MDGA2: variants seen among roughly 807,000 people sequenced by gnomAD.
MDGA2 encodes the protein MAM domain-containing glycosylphosphatidylinositol anchor protein 2.
MDGA2 carries 40 observed loss-of-function variants against 117.8 expected under a neutral mutation model. The observed-to-expected ratio is 0.34, with a 90% CI of 0.26 to 0.44. MDGA2 has a LOEUF of 0.44. Among genes scored for constraint, MDGA2 ranks in the 20% least tolerant of loss-of-function variants. The pLI, the probability that MDGA2 is intolerant of heterozygous loss-of-function variation, is 1.00. For synonymous variants in MDGA2, 452 were observed against 439.0 expected (o/e 1.03, Z -0.37); for missense variants, 1,123 against 1,250.6 (o/e 0.90, Z 1.54).
intron 3 of MDGA2, among the ~76,000 whole-genome samples, chr14:47,172,599 G>A (rs1309771696): frequency 1.3e-5 from 2 of 152,180 alleles, no homozygotes; most frequent in Admixed American, 1.3e-4. Flanking sequence ...CTGTCTGTTA[G>A]AAGGAAAACT....
At chr14:46,946,890 T>C (rs1425505670) in intron 9 of MDGA2, among the ~76,000 whole-genome samples, 2 of 152,146 alleles carry the variant, frequency 1.3e-5, no homozygotes, top group East Asian at 3.9e-4. Flanking sequence ...GTAGGAAGGA[T>C]GCCAGGTCCT....
chr14:47,581,633 G>C (rs952313733), intron 1 of MDGA2, among the ~76,000 whole-genome samples: 17 of 151,882 alleles, frequency 1.1e-4, no homozygotes, highest in African/African-American at 3.9e-4. Flanking sequence ...CTGAGCAGAG[G>C]TGACCATTTG....
intron 10 of MDGA2, among the ~76,000 whole-genome samples, chr14:46,913,022 T>C (rs1883764483): frequency 6.6e-6 from 1 of 152,152 alleles, no homozygotes; most frequent in Non-Finnish European, 1.5e-5. Flanking sequence ...TCATTCTCTC[T>C]CATCTCTATA....
At chr14:47,661,531 G>A (rs10137603) in intron 1 of MDGA2, among the ~76,000 whole-genome samples, 40,051 of 151,948 alleles carry the variant, frequency 0.26, 6,142 homozygotes, top group South Asian at 0.45. Flanking sequence ...GATATGCCTG[G>A]TGCACTGAAA....
rs117303123 is a variant in MDGA2, at chr14:47,096,402, G to C, written c.1195+452C>G. Among the ~76,000 whole-genome samples, 184 of 152,030 alleles carry C rather than the reference G, an allele frequency of 1.2e-3. 1 individual carries two copies. The East Asian group carries it at 0.031, about 26-fold the overall frequency. ...ATCTGACAGTGGAATCCTGAGTACAGGGTAATGTTTGATAGATCTCTATAT... is the reference window on the plus strand; with the variant it reads ...ATCTGACAGTGGAATCCTGAGTACACGGTAATGTTTGATAGATCTCTATAT... On this transcript the variant is annotated intron_variant, in intron 6 of 16. Coordinates refer to ENST00000399232, the MANE Select transcript of MDGA2 (RefSeq NM_001113498.3).
intron 1 of MDGA2, among the ~76,000 whole-genome samples, chr14:47,667,594 T>C (rs766381100): frequency 5.9e-5 from 9 of 152,246 alleles, no homozygotes; most frequent in African/African-American, 2.2e-4. Flanking sequence ...GATAAAAATA[T>C]ATGCTTTTGC....
intron 1 of MDGA2, among the ~76,000 whole-genome samples, chr14:47,608,378 C>G (rs1896779691): frequency 6.6e-6 from 1 of 152,082 alleles, no homozygotes; most frequent in African/African-American, 2.4e-5. Flanking sequence ...GTGTAGGTCC[C>G]ACTAAATCCA....
intron 14 of MDGA2, among the ~76,000 whole-genome samples, chr14:46,873,077 A>G (rs371850954): frequency 2.0e-5 from 3 of 152,080 alleles, no homozygotes; most frequent in East Asian, 1.9e-4. Context: ...ATTACTTTTC[A>G]TCATGATTAA....
At chr14:46,952,182 C>G (rs953721050) in intron 9 of MDGA2, among the ~76,000 whole-genome samples, 1 of 151,272 alleles carries the variant, frequency 6.6e-6, no homozygotes, top group African/African-American at 2.4e-5. Flanking sequence ...AATCTATACC[C>G]ACAACATTAA....
intron 9 of MDGA2, among the ~76,000 whole-genome samples, chr14:46,951,152 G>A (rs1443532046): frequency 6.6e-6 from 1 of 151,994 alleles, no homozygotes; most frequent in Non-Finnish European, 1.5e-5. Context: ...AACTAGAGGT[G>A]AGAGTAGCAG....
At chr14:47,461,686 A>G (rs1393331098) in intron 1 of MDGA2, among the ~76,000 whole-genome samples, 1 of 151,396 alleles carries the variant, frequency 6.6e-6, no homozygotes, top group Non-Finnish European at 1.5e-5. Context: ...AAAAATAAAA[A>G]CGAAAAAAAT....
chr14:47,448,833 T>G (rs186297080), intron 1 of MDGA2, among the ~76,000 whole-genome samples: 433 of 152,274 alleles, frequency 2.8e-3, no homozygotes, highest in Non-Finnish European at 4.8e-3. Context: ...AAGGCAGTCA[T>G]GTGGAACGGA....
intron 3 of MDGA2, among the ~76,000 whole-genome samples, chr14:47,210,884 T>A (rs571737847): frequency 3.9e-5 from 6 of 152,036 alleles, no homozygotes; most frequent in African/African-American, 4.8e-5. Context: ...TTCAGGAGCC[T>A]GAGGGGGAGG....
intron 6 of MDGA2, among the ~76,000 whole-genome samples, chr14:47,072,257 T>C (rs1418120438): frequency 6.6e-6 from 1 of 152,152 alleles, no homozygotes; most frequent in Admixed American, 6.5e-5. Flanking sequence ...GAAGAATACA[T>C]GTGGATAGAG....
In MDGA2 at chr14:47,026,054, T is replaced by C. The variant is rs558710169; in HGVS notation, c.1819+8957A>G. On this transcript the variant is annotated intron_variant, in intron 8 of 16. Coordinates refer to ENST00000399232, the MANE Select transcript of MDGA2 (RefSeq NM_001113498.3). ...ATTTACTACAAAGTAAAGTTATTAG[T>C]GTCACATAATATAACCCAACGTAAT... is the stretch of plus-strand genomic sequence containing the variant. Among the ~76,000 whole-genome samples, 4 of 152,250 alleles carry C rather than the reference T, an allele frequency of 2.6e-5. No homozygotes were observed. In the South Asian group the frequency reaches 8.3e-4, roughly 32 times the overall value.
At chr14:47,429,042 T>C (rs564545126) in intron 1 of MDGA2, among the ~76,000 whole-genome samples, 2 of 152,076 alleles carry the variant, frequency 1.3e-5, no homozygotes, top group African/African-American at 2.4e-5. Context: ...CTGGCCCACA[T>C]GGTAAAACCC....
intron 1 of MDGA2, among the ~76,000 whole-genome samples, chr14:47,384,640 T>A (rs1404247684): frequency 4.6e-5 from 7 of 152,128 alleles, no homozygotes; most frequent in African/African-American, 1.7e-4. Flanking sequence ...CTTTACCACA[T>A]ACTGCCATCC....
At chr14:47,207,085 G>A (rs1012237924) in intron 3 of MDGA2, among the ~76,000 whole-genome samples, 6 of 152,052 alleles carry the variant, frequency 3.9e-5, no homozygotes, top group African/African-American at 1.4e-4. Flanking sequence ...CCCTAAGTTT[G>A]TCACTGAGTT....
intron 1 of MDGA2, among the ~76,000 whole-genome samples, chr14:47,324,914 C>T (rs906911270): frequency 6.6e-6 from 1 of 151,920 alleles, no homozygotes; most frequent in African/African-American, 2.4e-5. Flanking sequence ...AAGCTGTAGG[C>T]TCCATATATG....
Sources: allele counts gnomAD v4.1 joint callset (sites outside exome capture counted in the v4.1 genomes callset), GRCh38; gene constraint gnomAD v4.1.1; transcripts MANE v1.5; gene names NCBI Gene and HGNC (gene_info 2026-07-23, HGNC 2026-07-21).